Variants in SHISA9 observed in about 807,000 individuals in gnomAD.
SHISA9 encodes shisa family member 9, also known as protein shisa-9.
In SHISA9, 13 loss-of-function variants were observed where a neutral mutation model predicts 38.0. The ratio of observed to expected loss-of-function variants is 0.34; its 90% CI spans 0.22 to 0.54. The LOEUF (loss-of-function observed/expected upper bound fraction) is 0.54, where lower values mean the gene tolerates loss of function less well. SHISA9 is among the 20% of genes least tolerant of loss of function. The pLI, the probability that SHISA9 is intolerant of heterozygous loss-of-function variation, is 0.91. For missense variants in SHISA9, 538 were observed against 575.8 expected, an observed-to-expected ratio of 0.93 and a Z score of 0.67; for synonymous variants, 275 against 242.0, an observed-to-expected ratio of 1.14 and a Z score of -1.27.
chr16:12,965,039 A>G (rs889649837), intron 2 of SHISA9, among the ~76,000 whole-genome samples: 1 of 152,108 alleles, frequency 6.6e-6, no homozygotes, highest in Non-Finnish European at 1.5e-5. Flanking sequence ...ATCTATCTAT[A>G]TATACACACA....
At chr16:13,469,371 AAGAAAGAAAGAAAGAAAGAAAG>A in the SHISA9 span, among the ~76,000 whole-genome samples, 57 of 88,184 alleles carry the variant, frequency 6.5e-4, 1 homozygote, top group East Asian at 5.7e-3. Flanking sequence ...AAGAAAAAGA[AAGAAAGAAAGAAAGAAAGAAAG>A]AAAGAAAGAA....
chr16:13,195,410 A>C (rs1442543394), intron 2 of SHISA9, among the ~76,000 whole-genome samples: 1 of 152,222 alleles, frequency 6.6e-6, no homozygotes, highest in Non-Finnish European at 1.5e-5. Flanking sequence ...CCATGTGTCT[A>C]CACTGATATG....
intron 4 of SHISA9, among the ~76,000 whole-genome samples, chr16:13,223,406 G>C (rs1231021770): frequency 6.6e-6 from 1 of 152,152 alleles, no homozygotes; most frequent in Non-Finnish European, 1.5e-5. Flanking sequence ...ACTTCAGCCT[G>C]GGTGACAGAG....
At chr16:13,378,899 G>A in the SHISA9 span, among the ~76,000 whole-genome samples, 7 of 152,188 alleles carry the variant, frequency 4.6e-5, no homozygotes, top group Non-Finnish European at 1.0e-4. Context: ...AGTTCCTCTG[G>A]GGATGGAAAT....
At chr16:13,424,504 C>T in the SHISA9 span, among the ~76,000 whole-genome samples, 1 of 152,114 alleles carries the variant, frequency 6.6e-6, no homozygotes, top group African/African-American at 2.4e-5. Context: ...AGGAAAAGGC[C>T]AATGAAGGCC....
the SHISA9 span, among the ~76,000 whole-genome samples, chr16:13,380,673 T>TTTA: frequency 9.2e-5 from 14 of 151,966 alleles, no homozygotes; most frequent in Admixed American, 8.5e-4. Flanking sequence ...AACTTGGCAT[T>TTTA]TTATTATTAT....
chr16:12,955,630 A>G (rs1259784072), intron 2 of SHISA9, among the ~76,000 whole-genome samples: 1 of 119,538 alleles, frequency 8.4e-6, no homozygotes, highest in African/African-American at 3.0e-5. Context: ...ATCTTCAACA[A>G]AGTAAAAAAA....
At chr16:13,500,010 G>T in the SHISA9 span, among the ~76,000 whole-genome samples, 1 of 152,164 alleles carries the variant, frequency 6.6e-6, no homozygotes, top group Non-Finnish European at 1.5e-5. Flanking sequence ...AAATATAGCA[G>T]CGTGGTGTGA....
At chr16:12,967,708 T>C (rs950384042) in intron 2 of SHISA9, among the ~76,000 whole-genome samples, 8 of 151,900 alleles carry the variant, frequency 5.3e-5, no homozygotes, top group Non-Finnish European at 8.8e-5. Context: ...AAGATGCCTA[T>C]GAGCTCCAAA....
At chr16:13,228,636 G>A (rs1184789790) in intron 4 of SHISA9, among the ~76,000 whole-genome samples, 2 of 152,180 alleles carry the variant, frequency 1.3e-5, no homozygotes, top group Non-Finnish European at 2.9e-5. Context: ...AGGAAAGTGA[G>A]AAAGATAGCT....
the SHISA9 span, among the ~76,000 whole-genome samples, chr16:13,297,782 G>A: frequency 6.6e-6 from 1 of 152,090 alleles, no homozygotes; most frequent in Non-Finnish European, 1.5e-5. Flanking sequence ...TTGAGGCAGA[G>A]TTTTGCTCTT....
At chr16:13,356,485 A>G in the SHISA9 span, among the ~76,000 whole-genome samples, 2 of 152,138 alleles carry the variant, frequency 1.3e-5, no homozygotes, top group Admixed American at 6.5e-5. Flanking sequence ...ATTGCTGGGC[A>G]GGAGGGGGAG....
At chr16:13,112,989 C>A (rs767781308) in intron 2 of SHISA9, among the ~76,000 whole-genome samples, 2 of 151,992 alleles carry the variant, frequency 1.3e-5, no homozygotes, top group Non-Finnish European at 2.9e-5. Context: ...GCAGGCAGAT[C>A]ACTTGACGTC....
intron 2 of SHISA9, among the ~76,000 whole-genome samples, chr16:13,151,210 G>A (rs1201147908): frequency 5.9e-5 from 9 of 152,114 alleles, no homozygotes; most frequent in African/African-American, 1.9e-4. Context: ...GGGTTCAAGC[G>A]ATTCTCCTGC....
intron 2 of SHISA9, among the ~76,000 whole-genome samples, chr16:12,918,654 T>A (rs185023524): frequency 6.6e-6 from 1 of 152,318 alleles, no homozygotes; most frequent in Non-Finnish European, 1.5e-5. Flanking sequence ...TATTTATGAT[T>A]CTTGCGTTTG....
chr16:13,384,705 A>G, the SHISA9 span, among the ~76,000 whole-genome samples: 12 of 152,358 alleles, frequency 7.9e-5, no homozygotes, highest in South Asian at 6.2e-4. Flanking sequence ...GAGAAGTTCA[A>G]TTCCAACCTT....
chr16:13,431,531 A>AAAAC, the SHISA9 span, among the ~76,000 whole-genome samples: 1 of 152,220 alleles, frequency 6.6e-6, no homozygotes, highest in African/African-American at 2.4e-5. Context: ...AAGAAAGGGA[A>AAAAC]AAACAAACAA....
chr16:13,183,263 G>A (rs2050792841), intron 2 of SHISA9, among the ~76,000 whole-genome samples: 1 of 152,236 alleles, frequency 6.6e-6, no homozygotes, highest in African/African-American at 2.4e-5. Context: ...ATGAGAGAGG[G>A]AGATATTGTG....
the SHISA9 span, among the ~76,000 whole-genome samples, chr16:13,264,863 C>T: frequency 1.3e-5 from 2 of 151,660 alleles, no homozygotes; most frequent in African/African-American, 4.8e-5. Flanking sequence ...GTAATAATTC[C>T]CTCTCCTTTC....
Sources: gnomAD v4.1 joint callset for allele counts (sites outside exome capture counted in the v4.1 genomes callset) on GRCh38, gnomAD v4.1.1 for gene constraint, MANE v1.5 for transcripts, NCBI Gene and HGNC (gene_info 2026-07-23, HGNC 2026-07-21) for gene names.